The following HELQ variants were observed in gnomAD, a reference collection of about 807,000 sequenced individuals.
The protein encoded by HELQ is helicase, POLQ like.
In HELQ, 77 loss-of-function variants were observed where a neutral mutation model predicts 111.6. The ratio of observed to expected loss-of-function variants is 0.69; its 90% confidence interval spans 0.57 to 0.83. The LOEUF is 0.83. Ranked by LOEUF, HELQ falls within the 40% of genes least tolerant of loss-of-function variation. The pLI, the probability that HELQ is intolerant of heterozygous loss-of-function variation, is 0.00. For missense variants in HELQ, 1,200 were observed against 1,288.5 expected, an observed-to-expected ratio of 0.93 and a Z score of 1.05; for synonymous variants, 438 against 454.7, an observed-to-expected ratio of 0.96 and a Z score of 0.47.
rs775354330 is a variant in HELQ, at chr4:83,455,560, T to C, written c.134A>G (p.Glu45Gly). The C allele has an allele frequency of 1.9e-6, 3 of 1,614,016 alleles. No homozygotes were observed. In the Admixed American group the frequency reaches 5.0e-5, roughly 27 times the overall value. Residue 45 changes from glutamate (E) to glycine (G), a missense_variant, in exon 1 of 18, where the codon GAA becomes GGA. Physicochemically the swap from Glu to Gly is moderately conservative, Grantham distance 98. This residue lies in a region of HELQ where 610 missense variants were observed against 607.1 expected (regional missense o/e 1.00). Coordinates refer to ENST00000295488, the MANE Select transcript of HELQ (RefSeq NM_133636.5). ...CCGCCTCCTGTTCTCAGCCACCATT[T>C]CCTCCTCCTCTTTCCCCTCATCTCC... Reference protein sequence around the residue: ...VPGDEGKEEEEMVAENRRRKT... With the variant: ...VPGDEGKEEEGMVAENRRRKT...
chr4:83,430,424 T>A (rs1480251148), intron 11 of HELQ, among the ~76,000 whole-genome samples: 1 of 152,176 alleles, frequency 6.6e-6, no homozygotes, highest in Non-Finnish European at 1.5e-5. Flanking sequence ...CATTCCTATC[T>A]CCATTTCTTG....
intron 2 of HELQ, among the ~76,000 whole-genome samples, chr4:83,452,525 A>G (rs1354841302): frequency 6.6e-6 from 1 of 152,206 alleles, no homozygotes; most frequent in Non-Finnish European, 1.5e-5. Context: ...AGTATTACTA[A>G]TAACTGACTT....
At chr4:83,424,239 T>C (rs1002007741) in intron 14 of HELQ, among the ~76,000 whole-genome samples, 1 of 152,214 alleles carries the variant, frequency 6.6e-6, no homozygotes, top group African/African-American at 2.4e-5. Flanking sequence ...GCATGTTTAT[T>C]ATTATTTGAT....
intron 11 of HELQ, among the ~76,000 whole-genome samples, chr4:83,431,058 C>T (rs913203922): frequency 1.3e-5 from 2 of 152,106 alleles, no homozygotes; most frequent in Non-Finnish European, 2.9e-5. Context: ...GGAAGTTCAC[C>T]CACGCTCAGT....
At chr4:83,452,041 C>T (rs1269389872) in intron 2 of HELQ, among the ~76,000 whole-genome samples, 1 of 152,188 alleles carries the variant, frequency 6.6e-6, no homozygotes, top group African/African-American at 2.4e-5. Flanking sequence ...CAGCAACTGT[C>T]CCTTCTTGGT....
At chr4:83,407,799 C>G (rs1738872239) in intron 17 of HELQ, among the ~76,000 whole-genome samples, 1 of 152,262 alleles carries the variant, frequency 6.6e-6, no homozygotes, top group South Asian at 2.1e-4. Flanking sequence ...AATAAAGGAG[C>G]TTTAATTCTC....
At chr4:83,424,359 T>C (rs896731205) in intron 14 of HELQ, among the ~76,000 whole-genome samples, 1 of 152,222 alleles carries the variant, frequency 6.6e-6, no homozygotes, top group African/African-American at 2.4e-5. Context: ...CTAAACAGCA[T>C]AGCCATTTCC....
intron 11 of HELQ, among the ~76,000 whole-genome samples, chr4:83,430,989 C>T (rs1390955220): frequency 1.3e-5 from 2 of 152,170 alleles, no homozygotes; most frequent in African/African-American, 4.8e-5. Context: ...TTGAAACCCA[C>T]TGGGCCAGCC....
chr4:83,418,833 T>C (rs1739497410), intron 15 of HELQ, among the ~76,000 whole-genome samples: 1 of 152,216 alleles, frequency 6.6e-6, no homozygotes, highest in African/African-American at 2.4e-5. Flanking sequence ...ATCAACGTAA[T>C]GAAGATGGCA....
chr4:83,452,244 T>G (rs1721422757), intron 2 of HELQ, among the ~76,000 whole-genome samples: 1 of 150,696 alleles, frequency 6.6e-6, no homozygotes, highest in Non-Finnish European at 1.5e-5. Flanking sequence ...ATTATGAGAT[T>G]TTTTTTTTTG....
chr4:83,430,802 A>T (rs1720101942), intron 11 of HELQ, among the ~76,000 whole-genome samples: 1 of 151,852 alleles, frequency 6.6e-6, no homozygotes, highest in Non-Finnish European at 1.5e-5. Context: ...TTAAGAACTG[A>T]TACTTGGTTT....
chr4:83,409,271 C>T (rs1364871186), intron 17 of HELQ, among the ~76,000 whole-genome samples: 5 of 152,100 alleles, frequency 3.3e-5, no homozygotes, highest in Admixed American at 3.3e-4. Flanking sequence ...GAAAACAAGG[C>T]TGGGCATGGT....
intron 17 of HELQ, among the ~76,000 whole-genome samples, chr4:83,415,349 C>T (rs1226822970): frequency 6.6e-6 from 1 of 151,834 alleles, no homozygotes; most frequent in Admixed American, 6.6e-5. Context: ...AGCATACAAA[C>T]AAAAAAAGAG....
chr4:83,412,851 C>T (rs1265334242), intron 17 of HELQ, among the ~76,000 whole-genome samples: 1 of 152,116 alleles, frequency 6.6e-6, no homozygotes, highest in Non-Finnish European at 1.5e-5. Context: ...ACCCTCATCC[C>T]AGAGTGTCCT....
At chr4:83,438,167 A>G (rs997309852) in intron 8 of HELQ, among the ~76,000 whole-genome samples, 1 of 152,196 alleles carries the variant, frequency 6.6e-6, no homozygotes, top group African/African-American at 2.4e-5. Flanking sequence ...TTGAAAGAGG[A>G]GGTAGAGGTT....
At chr4:83,439,353 C>G (rs1164800290) in intron 8 of HELQ, among the ~76,000 whole-genome samples, 1 of 143,862 alleles carries the variant, frequency 7.0e-6, no homozygotes, top group African/African-American at 2.5e-5. Flanking sequence ...GCATGAGCCA[C>G]CGTGCCTGGT....
chr4:83,432,419 G>T (rs1720202521), intron 9 of HELQ, 152 bp from the exon 10 acceptor site: 2 of 463,546 alleles, frequency 4.3e-6, no homozygotes, highest in South Asian at 9.0e-5. Flanking sequence ...TGATTTCTTA[G>T]GTTTTTACAC....
chr4:83,432,061 T>A, intron 10 of HELQ, 65 bp downstream of exon 10: 1 of 1,035,358 alleles, frequency 9.7e-7, no homozygotes, highest in Non-Finnish European at 1.4e-6. Flanking sequence ...GATGATTTCA[T>A]AAAAGGGCTA....
intron 15 of HELQ, among the ~76,000 whole-genome samples, chr4:83,419,434 T>G (rs1739543965): frequency 6.7e-6 from 1 of 148,658 alleles, no homozygotes; most frequent in Non-Finnish European, 1.5e-5. Flanking sequence ...ATTTGAAAAA[T>G]TATATACATG....
Sources: gnomAD v4.1 joint callset for allele counts (sites outside exome capture counted in the v4.1 genomes callset) on GRCh38, gnomAD v4.1.1 for gene constraint, gnomAD v4.1.1 regional missense constraint, MANE v1.5 for transcripts, NCBI Gene and HGNC (gene_info 2026-07-23, HGNC 2026-07-21) for gene names.